Variants in TRAPPC10 observed in about 807,000 individuals in gnomAD.
TRAPPC10 encodes the protein TRAPP 130 kDa subunit.
A neutral mutation model predicts 125.5 loss-of-function variants in TRAPPC10; 23 were observed. The observed-to-expected ratio is 0.18, with a 90% CI of 0.13 to 0.26. The LOEUF (loss-of-function observed/expected upper bound fraction) is 0.26. TRAPPC10 is among the 10% of genes least tolerant of loss of function. TRAPPC10 has a pLI of 1.00. For missense variants in TRAPPC10, 1,123 were observed against 1,308.4 expected (o/e 0.86, Z 2.19); for synonymous variants, 509 against 518.0 (o/e 0.98, Z 0.24).
At chr21:44,083,980 T>G in intron 14 of TRAPPC10, 142 bp from the exon 15 acceptor site, 1 of 866,856 alleles carries the variant, frequency 1.2e-6, no homozygotes. Flanking sequence ...CTTAGAGGTT[T>G]AGGCACAAGA....
rs781056994 is a variant in TRAPPC10, at chr21:44,091,940, G to A, written c.2888G>A (p.Cys963Tyr). The change falls in exon 19 of 23, where the codon TGT (cysteine) becomes TAT (tyrosine). Residue 963 changes from cysteine to tyrosine, a missense_variant. Coordinates refer to ENST00000291574, the MANE Select transcript of TRAPPC10 (RefSeq NM_003274.5). Reference protein sequence around the residue: ...SSGTRKYVQVCVQNLSELDFQ... With the variant: ...SSGTRKYVQVYVQNLSELDFQ... The stretch of plus-strand genomic sequence containing the variant: ...CACTTTAGGAAATATGTTCAAGTTT[G>A]TGTCCAGAATTTGTCAGAACTTGAC... 1 of 1,613,914 alleles carries A rather than the reference G, an allele frequency of 6.2e-7. No homozygotes were observed. Among genetic ancestry groups the A allele is most frequent in the East Asian group, 2.2e-5 (1 of 44,890 alleles).
chr21:44,034,049 G>A (rs1569151980), intron 2 of TRAPPC10, among the ~76,000 whole-genome samples: 1 of 152,226 alleles, frequency 6.6e-6, no homozygotes, highest in Non-Finnish European at 1.5e-5. Flanking sequence ...GACAGAGAAA[G>A]GAGGAGGCAG....
Position 44,059,413 on chromosome 21 carries a change from G to A in TRAPPC10, c.790+199G>A. On this transcript the variant is annotated intron_variant, in intron 6 of 22. Transcript: ENST00000291574. This position sits in a 1 kb window ranked among gnomAD's most constrained non-coding sequence, Gnocchi z 4.4. ...TAAGAATTAGTCATTTTCACTTTTA[G>A]AAGAATCTTAAGTAACAAAAATAAT... The A allele has an allele frequency of 1.4e-6, 1 of 701,242 alleles. No homozygotes were observed. Among genetic ancestry groups the A allele is most frequent in the Non-Finnish European group, 2.6e-6 (1 of 381,922 alleles). The allele number at this position is 701,242 out of a possible 1,614,324, so 43.4% of individuals were successfully genotyped here. A position where few individuals can be genotyped will look rare whatever the true frequency, so the allele number is the denominator to read the frequency against.
intron 13 of TRAPPC10, 130 bp downstream of exon 13, chr21:44,080,257 A>T (rs113279250): frequency 1.3e-6 from 1 of 770,930 alleles, no homozygotes; most frequent in African/African-American, 1.7e-5. Context: ...ACATGTATCT[A>T]TGTCTTTCAC....
chr21:44,060,599 A>G (rs1405709277), intron 6 of TRAPPC10, among the ~76,000 whole-genome samples: 3 of 149,888 alleles, frequency 2.0e-5, no homozygotes, highest in Non-Finnish European at 4.4e-5. Context: ...TTATACAAAC[A>G]TATCTATTTA....
At chr21:44,070,737 A>T (rs890221495) in intron 7 of TRAPPC10, among the ~76,000 whole-genome samples, 1 of 152,130 alleles carries the variant, frequency 6.6e-6, no homozygotes, top group Non-Finnish European at 1.5e-5. Context: ...CTCAAGCTGC[A>T]CTCTAATGGG....
intron 3 of TRAPPC10, 69 bp downstream of exon 3, chr21:44,037,996 A>T (rs1319588021): frequency 1.3e-6 from 2 of 1,567,174 alleles, no homozygotes; most frequent in Non-Finnish European, 1.7e-6. Context: ...GTGCTGTGTG[A>T]GTACCAGTGG....
intron 20 of TRAPPC10, among the ~76,000 whole-genome samples, chr21:44,094,897 TC>T (rs2038822185): frequency 6.6e-6 from 1 of 152,098 alleles, no homozygotes; most frequent in African/African-American, 2.4e-5. Flanking sequence ...GCAGTTTTTT[TC>T]TATCTTCTTC....
chr21:44,012,579 G>A lies in TRAPPC10; in HGVS notation c.67+19G>A, dbSNP rs1437212055. On this transcript the variant is annotated intron_variant, in intron 1 of 22. Transcript: ENST00000291574. ...GTCACCTGTGAGTGCCCGGAGGCGGGGAGGGCGCGGCGGTCGTTGGGCGGG... is the reference window on the plus strand; with the variant it reads ...GTCACCTGTGAGTGCCCGGAGGCGGAGAGGGCGCGGCGGTCGTTGGGCGGG... The A allele has an allele frequency of 1.8e-5, 27 of 1,530,600 alleles. No homozygotes were observed. Among genetic ancestry groups the A allele is most frequent in the Non-Finnish European group, 2.3e-5 (26 of 1,135,934 alleles). The allele number at this position is 1,530,600 out of a possible 1,614,324, so 94.8% of individuals were successfully genotyped here.
chr21:44,086,982 C>T (rs191340453), intron 16 of TRAPPC10, 22 bp downstream of exon 16: 2 of 1,612,140 alleles, frequency 1.2e-6, no homozygotes, highest in Non-Finnish European at 1.7e-6. Flanking sequence ...CCCACCCAGG[C>T]CCAAGGAGGA....
chr21:44,055,740 T>C lies in TRAPPC10; in HGVS notation c.525T>C (p.Thr175=). The part of the protein sequence containing the change: ...LSDPLKDSSR[T]QESWNAFLTK... ...ACCCCTTGAAGGACTCTTCTCGAAC[T>C]CAGGAATCCTGGAATGCCTTCCTGA... Residue 175 remains threonine, a synonymous_variant, in exon 5 of 23, where the codon ACT becomes ACC. Transcript: ENST00000291574. The C allele has an allele frequency of 6.2e-7, 1 of 1,612,946 alleles. No individual in the cohort carries two copies. Among genetic ancestry groups the C allele is most frequent in the Non-Finnish European group, 8.5e-7 (1 of 1,179,040 alleles).
chr21:44,092,119 T>C, intron 19 of TRAPPC10, 70 bp downstream of exon 19: 1 of 1,584,482 alleles, frequency 6.3e-7, no homozygotes. Flanking sequence ...TGATGTAGTA[T>C]GTGTTGCGAC....
At chr21:44,031,054 G>A (rs937297655) in intron 1 of TRAPPC10, among the ~76,000 whole-genome samples, 10 of 152,162 alleles carry the variant, frequency 6.6e-5, no homozygotes, top group African/African-American at 9.7e-5. Context: ...ACTGAGATGG[G>A]GACCGGGCAG....
intron 1 of TRAPPC10, among the ~76,000 whole-genome samples, chr21:44,013,098 C>T (rs575745690): frequency 3.9e-5 from 6 of 152,266 alleles, no homozygotes; most frequent in African/African-American, 1.2e-4. Context: ...CCCCGCCGCG[C>T]ACTCAAACCA....
chr21:44,037,212 C>T (rs1005715452), intron 2 of TRAPPC10, among the ~76,000 whole-genome samples: 4 of 152,112 alleles, frequency 2.6e-5, no homozygotes, highest in Admixed American at 6.6e-5. Flanking sequence ...TCACTGAGAG[C>T]CTTGGATGAG....
Position 44,082,744 on chromosome 21 carries a change from G to T in TRAPPC10, c.1724-44G>T. The T allele has an allele frequency of 6.2e-7, 1 of 1,604,418 alleles. No individual in the cohort carries two copies. The highest frequency in any genetic ancestry group is 1.1e-5 in the South Asian group (1 of 90,618). ...GCGGCCTGCTGCTGCTTACTGTCAG[G>T]AAGTGTGACTTGGGGAGTCACTTAC... is the stretch of plus-strand genomic sequence containing the variant. On this transcript the variant is annotated intron_variant, in intron 13 of 22. Coordinates refer to ENST00000291574, the MANE Select transcript of TRAPPC10 (RefSeq NM_003274.5). The surrounding 1 kb of genome is among the most constrained non-coding windows in gnomAD (Gnocchi z 4.4).
chr21:44,095,207 C>G (rs1033987167), intron 20 of TRAPPC10, among the ~76,000 whole-genome samples: 5 of 150,566 alleles, frequency 3.3e-5, no homozygotes, highest in African/African-American at 9.7e-5. Flanking sequence ...GTCACCACAC[C>G]TGGCTAATTA....
intron 1 of TRAPPC10, among the ~76,000 whole-genome samples, chr21:44,016,891 G>C (rs1230848274): frequency 1.3e-5 from 2 of 152,124 alleles, no homozygotes; most frequent in Non-Finnish European, 2.9e-5. Flanking sequence ...ATCTGACCTT[G>C]TGATCTGCCC....
intron 3 of TRAPPC10, among the ~76,000 whole-genome samples, chr21:44,043,718 G>T (rs951611126): frequency 6.6e-6 from 1 of 152,110 alleles, no homozygotes; most frequent in African/African-American, 2.4e-5. Flanking sequence ...TTGAATCTGG[G>T]TGGGCCTCTG....
Sources: allele counts gnomAD v4.1 joint callset (sites outside exome capture counted in the v4.1 genomes callset), GRCh38; gene constraint gnomAD v4.1.1; non-coding constraint Gnocchi (gnomAD v3.1); transcripts MANE v1.5; gene names NCBI Gene and HGNC (gene_info 2026-07-23, HGNC 2026-07-21).